Variants in SELENOO observed in about 807,000 individuals in gnomAD.
SELENOO encodes protein adenylyltransferase SelO, mitochondrial.
SELENOO carries 74 observed loss-of-function variants against 58.7 expected under a neutral mutation model. The ratio of observed to expected loss-of-function variants is 1.26; its 90% CI spans 1.04 to 1.53. SELENOO has a LOEUF of 1.53. Ranked by LOEUF, SELENOO falls within the 40% of genes most tolerant of loss-of-function variation. SELENOO has a pLI of 0.00. For missense variants in SELENOO, 1,149 were observed against 970.0 expected, an observed-to-expected ratio of 1.18 and a Z score of -2.45; for synonymous variants, 543 against 453.2, an observed-to-expected ratio of 1.20 and a Z score of -2.52.
intron 5 of SELENOO, among the ~76,000 whole-genome samples, chr22:50,213,312 C>T (rs2064384707): frequency 6.6e-6 from 1 of 152,214 alleles, no homozygotes; most frequent in Non-Finnish European, 1.5e-5. Flanking sequence ...CTGCCTCAGC[C>T]TCCCAAAGTG....
Position 50,216,764 on chromosome 22 carries a change from A to G in SELENOO, c.1576A>G (p.Ile526Val), listed in dbSNP as rs1385871656. The change falls in exon 7 of 9, where the codon ATC becomes GTC. Residue 526 changes from isoleucine (I) to valine (V), a missense_variant. By Grantham distance (29) the Ile-to-Val change is conservative. Transcript: ENST00000380903. The stretch of plus-strand genomic sequence containing the variant: ...CGCGCTTATGGGCACCCGGGCAGGC[A>G]TCGCCAGGGAGCTGGAGCGTGTGGA... The part of the protein sequence containing the change: ...LFALMGTRAG[I>V]ARELERVEQQ... 2.5e-6 allele frequency: 4 copies of G among 1,608,510 alleles called. No homozygotes were observed. Among genetic ancestry groups the G allele is most frequent in the South Asian group, 1.1e-5 (1 of 90,928 alleles).
Position 50,215,825 on chromosome 22 carries a change from T to G in SELENOO, c.1460T>G (p.Leu487Arg). ...LARLMEQCAS[L>R]EELRLAFRPQ... ...AGGCTGATGGAGCAGTGTGCCTCCC[T>G]GGAGGAGCTGAGGCTGGCCTTCCGG... Residue 487 changes from leucine (L) to arginine (R), a missense_variant, in exon 6 of 9, where the codon CTG (leucine) becomes CGG (arginine). Leu to Arg is a moderately radical substitution (Grantham distance 102, BLOSUM62 -2). Coordinates refer to ENST00000380903, the MANE Select transcript of SELENOO (RefSeq NM_031454.2). 6.2e-7 allele frequency: 1 copy of G among 1,612,042 alleles called. No homozygotes were observed. The highest frequency in any genetic ancestry group is 8.5e-7 in the Non-Finnish European group (1 of 1,178,694).
Position 50,210,623 on chromosome 22 carries a change from T to C in SELENOO, c.1071-8T>C. The C allele has an allele frequency of 1.2e-6, 2 of 1,612,798 alleles. No individual in the cohort carries two copies. Among genetic ancestry groups the C allele is most frequent in the Non-Finnish European group, 1.7e-6 (2 of 1,179,800 alleles). On this transcript the variant is annotated splice_region_variant and splice_polypyrimidine_tract_variant and intron_variant, in intron 4 of 8. Transcript: ENST00000380903. ...GGCAGGGCGTGGCTCTCTTGCCCCGTGTGGCAGGTACGACCCCGACCACGT... is the reference window on the plus strand; with the variant it reads ...GGCAGGGCGTGGCTCTCTTGCCCCGCGTGGCAGGTACGACCCCGACCACGT...
chr22:50,216,061 G>A (rs1397559760), intron 6 of SELENOO, among the ~76,000 whole-genome samples, 194 bp downstream of exon 6: 1 of 152,170 alleles, frequency 6.6e-6, no homozygotes, highest in Non-Finnish European at 1.5e-5. Flanking sequence ...AGTAGAGAGT[G>A]GCGAGGCTGA....
Position 50,216,993 on chromosome 22 carries a change from G to A in SELENOO, c.1710G>A (p.Leu570=), listed in dbSNP as rs2064420306. Residue 570 remains leucine (L), a synonymous_variant, in exon 8 of 9, where the codon CTG becomes CTA. Transcript: ENST00000380903. ...CCAGAGCCCGGCTGGACAAGGACCT[G>A]GAAGGCGCTGGGGACGCTGCCGCCT... ...QAYRARLDKD[L]EGAGDAAAWQ... is the part of the protein sequence containing the mutation. The A allele has an allele frequency of 6.2e-7, 1 of 1,610,752 alleles. No homozygotes were observed. Among genetic ancestry groups the A allele is most frequent in the East Asian group, 2.2e-5 (1 of 44,852 alleles).
At chr22:50,213,686 C>T (rs2064387102) in intron 5 of SELENOO, among the ~76,000 whole-genome samples, 1 of 152,082 alleles carries the variant, frequency 6.6e-6, no homozygotes, top group African/African-American at 2.4e-5. Flanking sequence ...CTTGCTCTGT[C>T]ACCCAGGCTG....
Position 50,206,477 on chromosome 22 carries a change from G to A in SELENOO, c.715G>A (p.Glu239Lys). The A allele has an allele frequency of 6.2e-7, 1 of 1,614,160 alleles. No individual in the cohort carries two copies. Among genetic ancestry groups the A allele is most frequent in the Non-Finnish European group, 8.5e-7 (1 of 1,180,022 alleles). Residue 239 changes from glutamate (E) to lysine (K), a missense_variant, in exon 2 of 9, where the codon GAA (glutamate) becomes AAA (lysine). Transcript: ENST00000380903. ...GTTCTATGATGGTAATCCCAAATAT[G>A]AACAATGCACGGTTGTGTTGCGTGT... ...DVFYDGNPKY[E>K]QCTVVLRVAS...
In SELENOO at chr22:50,216,717, C is replaced by A. The variant is rs376725602; in HGVS notation, c.1529C>A (p.Ala510Glu). 3.8e-6 allele frequency: 6 copies of A among 1,599,208 alleles called. No individual in the cohort carries two copies. Among genetic ancestry groups the A allele is most frequent in the Non-Finnish European group, 5.1e-6 (6 of 1,175,830 alleles). ...CAGCTATCCATGATGCTGATGCTGG[C>A]GCAGTCAAACCCGCAGCTGTTCGCG... is the stretch of plus-strand genomic sequence containing the variant. ...PRQLSMMLML[A>E]QSNPQLFALM... The change falls in exon 7 of 9, where the codon GCG becomes GAG. Residue 510 changes from alanine (A) to glutamate (E), a missense_variant. Physicochemically the swap from Ala to Glu is moderately radical, Grantham distance 107. Transcript: ENST00000380903.
intron 1 of SELENOO, chr22:50,205,953 G>T (rs948653452): frequency 3.6e-6 from 1 of 279,646 alleles, no homozygotes; most frequent in Non-Finnish European, 6.8e-6. Context: ...ACCCATCCTG[G>T]TGCAAAGGCT....
At chr22:50,202,388 T>TC (rs769130923) in intron 1 of SELENOO, among the ~76,000 whole-genome samples, 26 of 151,564 alleles carry the variant, frequency 1.7e-4, no homozygotes, top group Admixed American at 8.6e-4. Flanking sequence ...TCTTCCTCAC[T>TC]CCCCCGTCTC....
intron 6 of SELENOO, among the ~76,000 whole-genome samples, chr22:50,216,221 C>T (rs972616019): frequency 2.0e-5 from 3 of 152,208 alleles, no homozygotes; most frequent in Non-Finnish European, 2.9e-5. Flanking sequence ...GTCCCGCCCA[C>T]GTGCAGGATG....
intron 4 of SELENOO, 63 bp from the exon 5 acceptor site, chr22:50,210,568 G>T: frequency 6.2e-7 from 1 of 1,606,760 alleles, no homozygotes; most frequent in South Asian, 1.1e-5. Context: ...CTCCAGGGTG[G>T]CTGCACCATC....
intron 5 of SELENOO, among the ~76,000 whole-genome samples, chr22:50,215,251 G>A (rs1422836169): frequency 1.3e-5 from 2 of 152,160 alleles, no homozygotes; most frequent in Non-Finnish European, 2.9e-5. Context: ...CTGTGAGGAT[G>A]TGAGGGCCGG....
chr22:50,215,173 TG>T (rs1199444362), intron 5 of SELENOO, among the ~76,000 whole-genome samples: 1 of 152,202 alleles, frequency 6.6e-6, no homozygotes, highest in Non-Finnish European at 1.5e-5. Context: ...TGTCACAAGT[TG>T]GGCCTTTTGC....
intron 4 of SELENOO, 128 bp downstream of exon 4, chr22:50,210,439 G>A (rs2064361172): frequency 7.3e-7 from 1 of 1,372,908 alleles, no homozygotes; most frequent in South Asian, 1.3e-5. Flanking sequence ...GGGGGCTGAT[G>A]TAGGAAGTAG....
At chr22:50,211,993 G>A (rs771652029) in intron 5 of SELENOO, among the ~76,000 whole-genome samples, 24 of 152,194 alleles carry the variant, frequency 1.6e-4, no homozygotes, top group Non-Finnish European at 2.9e-4. Flanking sequence ...GTGAGCCACC[G>A]CACCCAGCCA....
At chr22:50,207,431 A>G (rs777666970) in intron 2 of SELENOO, among the ~76,000 whole-genome samples, 3 of 151,936 alleles carry the variant, frequency 2.0e-5, no homozygotes, top group Non-Finnish European at 4.4e-5. Context: ...GCCCCCAGCC[A>G]TCAGTTTTTG....
intron 4 of SELENOO, 71 bp from the exon 5 acceptor site, chr22:50,210,560 C>A: frequency 6.2e-7 from 1 of 1,602,476 alleles, no homozygotes; most frequent in Non-Finnish European, 8.5e-7. Context: ...GGCCTCCCCT[C>A]CAGGGTGGCT....
chr22:50,203,261 C>T (rs1247143209), intron 1 of SELENOO, among the ~76,000 whole-genome samples: 1 of 151,964 alleles, frequency 6.6e-6, no homozygotes, highest in Non-Finnish European at 1.5e-5. Context: ...CTTCTAATTG[C>T]AGCTACTCAG....
Sources: gnomAD v4.1 joint callset for allele counts (sites outside exome capture counted in the v4.1 genomes callset) on GRCh38, gnomAD v4.1.1 for gene constraint, MANE v1.5 for transcripts, NCBI Gene and HGNC (gene_info 2026-07-23, HGNC 2026-07-21) for gene names.